Variants in MEI4 observed in about 807,000 individuals in gnomAD.
The protein encoded by MEI4 is meiosis-specific protein MEI4.
A neutral mutation model predicts 31.4 loss-of-function variants in MEI4; 27 were observed. The ratio of observed to expected loss-of-function variants is 0.86; its 90% CI spans 0.63 to 1.19. The LOEUF (loss-of-function observed/expected upper bound fraction) is 1.19, where lower values mean the gene tolerates loss of function less well. MEI4 is among the 50% of genes most tolerant of loss of function. The pLI is 0.00. For missense variants in MEI4, 329 were observed against 398.9 expected, an observed-to-expected ratio of 0.82 and a Z score of 1.49; for synonymous variants, 122 against 145.4, an observed-to-expected ratio of 0.84 and a Z score of 1.16.
At position 77,701,648 on chromosome 6, in the gene MEI4, A is replaced by T. The variant is rs1254603010; in HGVS notation, c.232+10745A>T. Reference sequence around the variant, plus strand: ...CAATATATTTATGAATATATTATGAATATATTCATAAATCATAGGCTACAG... The same window carrying T: ...CAATATATTTATGAATATATTATGATTATATTCATAAATCATAGGCTACAG... On this transcript the variant is annotated intron_variant, in intron 2 of 4. Transcript: ENST00000684080. Among the ~76,000 whole-genome samples, 6 of 152,114 alleles carry T rather than the reference A, an allele frequency of 3.9e-5. No individual in the cohort carries two copies. In the East Asian group the frequency reaches 1.2e-3, roughly 29 times the overall value.
chr6:77,757,351 C>G (rs1054022349), intron 2 of MEI4, among the ~76,000 whole-genome samples: 4 of 152,126 alleles, frequency 2.6e-5, no homozygotes, highest in Non-Finnish European at 5.9e-5. Context: ...AAAGGAGATT[C>G]TTCTTTGTGT....
chr6:77,742,858 C>T (rs1283360052), intron 2 of MEI4, among the ~76,000 whole-genome samples: 1 of 152,010 alleles, frequency 6.6e-6, no homozygotes. Flanking sequence ...GTTTTCCCAG[C>T]ACCATTTATT....
At chr6:77,742,555 C>T (rs1767441563) in intron 2 of MEI4, among the ~76,000 whole-genome samples, 1 of 152,050 alleles carries the variant, frequency 6.6e-6, no homozygotes, top group Non-Finnish European at 1.5e-5. Context: ...CGAAAATTTT[C>T]TCCCATTTTG....
chr6:77,821,377 G>T lies in MEI4; in HGVS notation c.769-7554G>T, dbSNP rs74423371. 5.3e-3 allele frequency among the ~76,000 whole-genome samples: 813 copies of T among 152,240 alleles called. 4 individuals carry two copies. The highest frequency in any genetic ancestry group is 0.017 in the Middle Eastern group (5 of 294). On this transcript the variant is annotated intron_variant, in intron 3 of 4. Transcript: ENST00000684080. The stretch of plus-strand genomic sequence containing the variant: ...AACTAAGAGTGTTTTCCTCAAGAGT[G>T]GTTTTGTATTTGCATCTTGCAGTTG...
intron 4 of MEI4, among the ~76,000 whole-genome samples, chr6:77,860,361 G>A (rs1176986999): frequency 6.6e-6 from 1 of 152,140 alleles, no homozygotes; most frequent in Non-Finnish European, 1.5e-5. Context: ...AGTGGAAAGT[G>A]GAGCCATAAT....
chr6:77,660,810 C>T (rs1006034447), intron 1 of MEI4, among the ~76,000 whole-genome samples: 1 of 152,088 alleles, frequency 6.6e-6, no homozygotes, highest in African/African-American at 2.4e-5. Context: ...TGGGGAGGAT[C>T]CTGCAGGCGG....
intron 3 of MEI4, among the ~76,000 whole-genome samples, chr6:77,807,583 A>T (rs938284075): frequency 6.6e-6 from 1 of 152,188 alleles, no homozygotes; most frequent in Non-Finnish European, 1.5e-5. Flanking sequence ...AGGGTGATCA[A>T]TACTGCTAAC....
At chr6:77,690,608 C>CTCAG (rs1468623211) in intron 1 of MEI4, 50 bp from the exon 2 acceptor site, 15 of 886,386 alleles carry the variant, frequency 1.7e-5, no homozygotes, top group Non-Finnish European at 2.2e-5. Context: ...ATGAAATGCA[C>CTCAG]TGCACAAGTT....
intron 1 of MEI4, among the ~76,000 whole-genome samples, chr6:77,670,532 C>T (rs1768718464): frequency 6.6e-6 from 1 of 152,070 alleles, no homozygotes; most frequent in Non-Finnish European, 1.5e-5. Flanking sequence ...AATGGCAATC[C>T]TAATACACAG....
At chr6:77,749,867 G>A (rs1767722359) in intron 2 of MEI4, among the ~76,000 whole-genome samples, 1 of 152,186 alleles carries the variant, frequency 6.6e-6, no homozygotes. Flanking sequence ...GGCAGCCTGA[G>A]AGATAGGTTG....
chr6:77,772,392 AG>A (rs1768339973), intron 3 of MEI4, among the ~76,000 whole-genome samples: 1 of 152,016 alleles, frequency 6.6e-6, no homozygotes, highest in African/African-American at 2.4e-5. Context: ...GATTTAACCC[AG>A]GATGCAAGGA....
chr6:77,881,440 A>C (rs1378930892), intron 4 of MEI4, among the ~76,000 whole-genome samples: 1 of 152,226 alleles, frequency 6.6e-6, no homozygotes, highest in Non-Finnish European at 1.5e-5. Flanking sequence ...AAGAACATTT[A>C]AGTGTTTCTA....
At chr6:77,699,640 A>G (rs1766160315) in intron 2 of MEI4, among the ~76,000 whole-genome samples, 1 of 152,036 alleles carries the variant, frequency 6.6e-6, no homozygotes, top group African/African-American at 2.4e-5. Flanking sequence ...GTTCCTTTGG[A>G]GGAGGAGAGG....
intron 4 of MEI4, among the ~76,000 whole-genome samples, chr6:77,857,306 C>G (rs1268269227): frequency 6.6e-6 from 1 of 152,066 alleles, no homozygotes; most frequent in East Asian, 1.9e-4. Flanking sequence ...TGCTATTAAG[C>G]AAATAGTTGA....
intron 2 of MEI4, among the ~76,000 whole-genome samples, chr6:77,734,485 G>C (rs1767119307): frequency 6.6e-6 from 1 of 151,808 alleles, no homozygotes; most frequent in South Asian, 2.1e-4. Context: ...TTTTCCATTT[G>C]CTTGGTAGAT....
chr6:77,729,161 T>G (rs1766906143), intron 2 of MEI4, among the ~76,000 whole-genome samples: 1 of 151,844 alleles, frequency 6.6e-6, no homozygotes, highest in East Asian at 1.9e-4. Context: ...AAGGTGAGAG[T>G]GGAGGTGGGA....
At chr6:77,734,107 G>A (rs9718256) in intron 2 of MEI4, among the ~76,000 whole-genome samples, 1,748 of 152,064 alleles carry the variant, frequency 0.011, 16 homozygotes, top group Non-Finnish European at 0.018. Flanking sequence ...ATATTCTGTT[G>A]ATTTGGGGTG....
chr6:77,658,431 C>T (rs747182850), intron 1 of MEI4, among the ~76,000 whole-genome samples: 24 of 152,152 alleles, frequency 1.6e-4, no homozygotes, highest in African/African-American at 2.4e-4. Flanking sequence ...ACAGGGGATG[C>T]GATGGCTTGG....
At chr6:77,754,804 G>A (rs965557890) in intron 2 of MEI4, among the ~76,000 whole-genome samples, 13 of 152,040 alleles carry the variant, frequency 8.6e-5, no homozygotes, top group African/African-American at 3.1e-4. Flanking sequence ...GAGTGAAGGG[G>A]GAAAGAGCCC....
Sources: gnomAD v4.1 joint callset for allele counts (sites outside exome capture counted in the v4.1 genomes callset) on GRCh38, gnomAD v4.1.1 for gene constraint, MANE v1.5 for transcripts, NCBI Gene and HGNC (gene_info 2026-07-23, HGNC 2026-07-21) for gene names.